The following KSR2 variants were observed in gnomAD, a reference collection of about 807,000 sequenced individuals.
The protein encoded by KSR2 is kinase suppressor of ras 2.
Under a neutral mutation model 107.8 loss-of-function variants are expected in KSR2, and 25 were observed. That is an observed-to-expected ratio of 0.23 (90% CI 0.17 to 0.32). The LOEUF (loss-of-function observed/expected upper bound fraction) is 0.32. KSR2 is among the 10% of genes least tolerant of loss of function. The pLI, the probability that KSR2 is intolerant of heterozygous loss-of-function variation, is 1.00. For missense variants in KSR2, 887 were observed against 1,268.9 expected, an observed-to-expected ratio of 0.70 and a Z score of 4.57; for synonymous variants, 480 against 507.0, an observed-to-expected ratio of 0.95 and a Z score of 0.71.
intron 10 of KSR2, 73 bp from the exon 11 acceptor site, chr12:117,531,780 T>C: frequency 2.7e-6 from 3 of 1,102,972 alleles, no homozygotes; most frequent in Non-Finnish European, 4.0e-6. Context: ...ATTGAGCTCT[T>C]ACAGCCACCA....
intron 1 of KSR2, among the ~76,000 whole-genome samples, chr12:117,941,569 C>T (rs1348452047): frequency 6.7e-6 from 1 of 148,558 alleles, no homozygotes; most frequent in African/African-American, 2.5e-5. Context: ...GAAACATTTG[C>T]CTCTACAGTT....
intron 1 of KSR2, among the ~76,000 whole-genome samples, chr12:117,882,607 A>C (rs116795805): frequency 0.023 from 3,452 of 151,374 alleles, 119 homozygotes; most frequent in African/African-American, 0.078. Flanking sequence ...CAATCCATCC[A>C]TCCTTCCATC....
intron 4 of KSR2, among the ~76,000 whole-genome samples, chr12:117,680,331 T>G (rs1296942271): frequency 6.6e-6 from 1 of 152,210 alleles, no homozygotes; most frequent in Non-Finnish European, 1.5e-5. Flanking sequence ...CAAGATAAAA[T>G]TGAATATTCT....
At chr12:117,917,742 T>C (rs1195924889) in intron 1 of KSR2, among the ~76,000 whole-genome samples, 4 of 152,060 alleles carry the variant, frequency 2.6e-5, no homozygotes, top group African/African-American at 9.7e-5. Flanking sequence ...TATTACAATA[T>C]GGTCAATACT....
chr12:117,671,295 T>C (rs74928699), intron 4 of KSR2, among the ~76,000 whole-genome samples: 2,951 of 152,306 alleles, frequency 0.019, 94 homozygotes, highest in African/African-American at 0.067. Context: ...GGGTTGGGTG[T>C]TCCTTCTCAG....
chr12:117,628,891 A>C (rs564932485), intron 5 of KSR2, among the ~76,000 whole-genome samples: 2 of 152,218 alleles, frequency 1.3e-5, no homozygotes, highest in Non-Finnish European at 2.9e-5. Context: ...TTGTTTACCT[A>C]CTCAAGCTTT....
chr12:117,816,047 G>C (rs1891359716), intron 3 of KSR2, among the ~76,000 whole-genome samples: 1 of 148,906 alleles, frequency 6.7e-6, no homozygotes, highest in African/African-American at 2.5e-5. Context: ...GTGTTGGGGA[G>C]GTGAGAAGAG....
intron 3 of KSR2, among the ~76,000 whole-genome samples, chr12:117,836,805 T>C (rs1187661179): frequency 6.6e-6 from 1 of 152,228 alleles, no homozygotes; most frequent in African/African-American, 2.4e-5. Flanking sequence ...CCACTTCTCA[T>C]CGTAGCCATT....
At chr12:117,620,041 GTGTGGTC>G (rs1882102719) in intron 5 of KSR2, among the ~76,000 whole-genome samples, 1 of 152,076 alleles carries the variant, frequency 6.6e-6, no homozygotes, top group Non-Finnish European at 1.5e-5. Context: ...ACCCTACAGT[GTGTGGTC>G]TTTTACATCT....
chr12:117,644,787 T>G (rs890206854), intron 5 of KSR2, among the ~76,000 whole-genome samples: 1 of 152,144 alleles, frequency 6.6e-6, no homozygotes. Context: ...TAATCATTCA[T>G]ATTCCCCCCT....
At chr12:117,506,843 A>G (rs548149384) in intron 14 of KSR2, among the ~76,000 whole-genome samples, 147 of 151,582 alleles carry the variant, frequency 9.7e-4, no homozygotes, top group Admixed American at 5.1e-3. Flanking sequence ...TTATATATGT[A>G]TGTGTGTGTG....
chr12:117,736,547 C>T (rs140940743), intron 4 of KSR2, among the ~76,000 whole-genome samples: 2,717 of 152,302 alleles, frequency 0.018, 43 homozygotes, highest in Middle Eastern at 0.031. Context: ...CAGTGGCTCA[C>T]ACCTATAATC....
chr12:117,518,969 C>T (rs1068931), intron 14 of KSR2, among the ~76,000 whole-genome samples: 10,920 of 152,260 alleles, frequency 0.072, 437 homozygotes, highest in East Asian at 0.12. Flanking sequence ...GCACTTATTA[C>T]GATGCTTTAA....
chr12:117,682,265 T>C (rs1233084966), intron 4 of KSR2, among the ~76,000 whole-genome samples: 1 of 151,772 alleles, frequency 6.6e-6, no homozygotes, highest in East Asian at 1.9e-4. Flanking sequence ...CTGGGGCCTA[T>C]TGCGGGGGCG....
At chr12:117,588,835 T>C (rs1164216735) in intron 5 of KSR2, among the ~76,000 whole-genome samples, 1 of 152,190 alleles carries the variant, frequency 6.6e-6, no homozygotes, top group African/African-American at 2.4e-5. Context: ...TGAGTAAATA[T>C]CAGTGCCCAC....
intron 3 of KSR2, among the ~76,000 whole-genome samples, chr12:117,809,558 C>T (rs539059347): frequency 4.1e-4 from 62 of 152,330 alleles, no homozygotes; most frequent in Middle Eastern, 3.4e-3. Context: ...GCCACTTAAA[C>T]TAAAATAACC....
chr12:117,824,535 T>C (rs1241344603), intron 3 of KSR2, among the ~76,000 whole-genome samples: 2 of 152,156 alleles, frequency 1.3e-5, no homozygotes, highest in African/African-American at 2.4e-5. Flanking sequence ...TTATGTACAC[T>C]TATTATGCAT....
intron 3 of KSR2, among the ~76,000 whole-genome samples, chr12:117,793,454 C>T (rs994164490): frequency 3.3e-5 from 5 of 150,278 alleles, no homozygotes; most frequent in African/African-American, 4.9e-5. Context: ...CTCAAACCAA[C>T]ATGCACACAT....
chr12:117,591,468 G>A (rs965811413), intron 5 of KSR2, among the ~76,000 whole-genome samples: 6 of 152,094 alleles, frequency 3.9e-5, no homozygotes, highest in African/African-American at 1.4e-4. Flanking sequence ...TGGAGGCAGT[G>A]GTGGTGGTGA....
Sources: gnomAD v4.1 joint callset for allele counts (sites outside exome capture counted in the v4.1 genomes callset) on GRCh38, gnomAD v4.1.1 for gene constraint, MANE v1.5 for transcripts, NCBI Gene and HGNC (gene_info 2026-07-23, HGNC 2026-07-21) for gene names.